LUZP2: variants seen among roughly 807,000 people sequenced by gnomAD.
LUZP2 encodes the protein leucine zipper protein 2.
Under a neutral mutation model 51.6 loss-of-function variants are expected in LUZP2, and 52 were observed. That is an observed-to-expected ratio of 1.01 (90% CI 0.81 to 1.27). LUZP2 has a LOEUF of 1.27. Ranked by LOEUF, LUZP2 falls within the 50% of genes most tolerant of loss-of-function variation. The pLI is 0.00. For synonymous variants in LUZP2, 154 were observed against 137.3 expected, an observed-to-expected ratio of 1.12 and a Z score of -0.85; for missense variants, 436 against 395.4, an observed-to-expected ratio of 1.10 and a Z score of -0.87.
chr11:24,843,620 C>T (rs1851102750), intron 5 of LUZP2, among the ~76,000 whole-genome samples: 1 of 152,110 alleles, frequency 6.6e-6, no homozygotes, highest in Non-Finnish European at 1.5e-5. Context: ...ATAATATTTG[C>T]TAGCTTATAC....
intron 7 of LUZP2, among the ~76,000 whole-genome samples, chr11:24,960,431 T>G (rs1218696338): frequency 1.3e-5 from 2 of 152,152 alleles, no homozygotes; most frequent in Non-Finnish European, 2.9e-5. Context: ...TTTCAGCTCC[T>G]GTTATTGGTC....
intron 1 of LUZP2, among the ~76,000 whole-genome samples, chr11:24,641,575 T>TCAAC (rs1224889444): frequency 1.3e-5 from 2 of 151,896 alleles, no homozygotes; most frequent in Non-Finnish European, 2.9e-5. Flanking sequence ...AATTCATTCT[T>TCAAC]CAACTCCCTT....
At chr11:25,033,908 T>C (rs1028295696) in intron 9 of LUZP2, among the ~76,000 whole-genome samples, 2 of 152,128 alleles carry the variant, frequency 1.3e-5, no homozygotes, top group African/African-American at 4.8e-5. Context: ...TGTGTCTTTT[T>C]GGTAGAATGA....
intron 5 of LUZP2, among the ~76,000 whole-genome samples, chr11:24,879,819 T>C (rs12272874): frequency 0.06 from 9,087 of 151,934 alleles, 875 homozygotes; most frequent in African/African-American, 0.2. Flanking sequence ...GCTGAGCTTG[T>C]ATCCAAATTG....
At chr11:24,845,435 C>G (rs1223705509) in intron 5 of LUZP2, among the ~76,000 whole-genome samples, 1 of 152,110 alleles carries the variant, frequency 6.6e-6, no homozygotes, top group Non-Finnish European at 1.5e-5. Flanking sequence ...AGACTTTGGA[C>G]TGTAGACTTT....
chr11:24,586,015 T>C (rs1274968744), intron 1 of LUZP2, among the ~76,000 whole-genome samples: 1 of 152,142 alleles, frequency 6.6e-6, no homozygotes, highest in African/African-American at 2.4e-5. Flanking sequence ...TTCCTTTCAT[T>C]TTTTACAATA....
chr11:24,562,793 C>T (rs948164136), intron 1 of LUZP2, among the ~76,000 whole-genome samples: 5 of 148,126 alleles, frequency 3.4e-5, no homozygotes, highest in South Asian at 2.1e-4. Flanking sequence ...ACCCGGGAGG[C>T]GAAGCTTACA....
chr11:25,039,167 G>A (rs547425816), intron 9 of LUZP2, among the ~76,000 whole-genome samples: 1 of 152,290 alleles, frequency 6.6e-6, no homozygotes, highest in South Asian at 2.1e-4. Context: ...TCTTTCAGGT[G>A]TTGGGGCTCC....
At chr11:24,876,498 T>A (rs1852266581) in intron 5 of LUZP2, among the ~76,000 whole-genome samples, 1 of 149,078 alleles carries the variant, frequency 6.7e-6, no homozygotes, top group Non-Finnish European at 1.5e-5. Context: ...TTGGTTACTG[T>A]AGCCTTGTAG....
chr11:24,643,254 C>CAAAAAAAAAAAA (rs570616833), intron 1 of LUZP2, among the ~76,000 whole-genome samples: 2 of 75,722 alleles, frequency 2.6e-5, no homozygotes, highest in African/African-American at 1.1e-4. Flanking sequence ...ACTAAAAGTA[C>CAAAAAAAAAAAA]AAAAAAAAAA....
chr11:24,552,330 C>A (rs1231974929), intron 1 of LUZP2, among the ~76,000 whole-genome samples: 1 of 151,876 alleles, frequency 6.6e-6, no homozygotes, highest in East Asian at 1.9e-4. Flanking sequence ...GATAAAAATT[C>A]TCACAAAATT....
chr11:24,664,757 G>C (rs1332672227), intron 1 of LUZP2, among the ~76,000 whole-genome samples: 4 of 152,198 alleles, frequency 2.6e-5, no homozygotes, highest in African/African-American at 9.7e-5. Context: ...GGGCCTGTGG[G>C]TGCACAGAAG....
At chr11:24,657,978 T>A (rs921201822) in intron 1 of LUZP2, among the ~76,000 whole-genome samples, 34 of 152,202 alleles carry the variant, frequency 2.2e-4, no homozygotes, top group South Asian at 8.3e-4. Flanking sequence ...AGAATCAATA[T>A]CGTGAAAATG....
At chr11:24,511,779 C>G (rs1372875684) in intron 1 of LUZP2, among the ~76,000 whole-genome samples, 1 of 152,060 alleles carries the variant, frequency 6.6e-6, no homozygotes, top group Admixed American at 6.6e-5. Context: ...CTTTGTTGTT[C>G]TTTCTTGAAC....
At chr11:24,524,979 A>G (rs1850753377) in intron 1 of LUZP2, among the ~76,000 whole-genome samples, 1 of 151,610 alleles carries the variant, frequency 6.6e-6, no homozygotes, top group South Asian at 2.1e-4. Flanking sequence ...GGAACTGGGA[A>G]AAGAATTAGA....
chr11:25,034,117 C>G (rs764837091), intron 9 of LUZP2, among the ~76,000 whole-genome samples: 2 of 152,074 alleles, frequency 1.3e-5, no homozygotes, highest in Non-Finnish European at 2.9e-5. Flanking sequence ...TTAATAATAG[C>G]CATCCTAATT....
intron 4 of LUZP2, among the ~76,000 whole-genome samples, chr11:24,743,174 CT>C (rs1285528309): frequency 2.6e-5 from 4 of 151,906 alleles, no homozygotes; most frequent in Non-Finnish European, 4.4e-5. Context: ...TATGAGGGCT[CT>C]TTTTTGTTTC....
intron 4 of LUZP2, among the ~76,000 whole-genome samples, chr11:24,748,353 T>G (rs1859453927): frequency 6.6e-6 from 1 of 152,106 alleles, no homozygotes; most frequent in Non-Finnish European, 1.5e-5. Context: ...GAGCCGAGGG[T>G]CTCCCTTTCC....
At chr11:24,578,618 G>A (rs563981184) in intron 1 of LUZP2, among the ~76,000 whole-genome samples, 17 of 151,810 alleles carry the variant, frequency 1.1e-4, no homozygotes, top group South Asian at 8.3e-4. Flanking sequence ...AATCATCCAG[G>A]TTTTCCTTTG....
Sources: gnomAD v4.1 joint callset for allele counts (sites outside exome capture counted in the v4.1 genomes callset) on GRCh38, gnomAD v4.1.1 for gene constraint, MANE v1.5 for transcripts, NCBI Gene and HGNC (gene_info 2026-07-23, HGNC 2026-07-21) for gene names.